Variants in PRRC2A observed in about 807,000 individuals in gnomAD.
PRRC2A encodes the protein proline rich coiled-coil 2A.
In PRRC2A, 59 loss-of-function variants were observed where a neutral mutation model predicts 224.6. That is an observed-to-expected ratio of 0.26 (90% confidence interval 0.21 to 0.33). PRRC2A has a LOEUF of 0.33. Ranked by LOEUF, PRRC2A falls within the 10% of genes least tolerant of loss-of-function variation. The pLI is 1.00. For synonymous variants in PRRC2A, 1,194 were observed against 1,109.5 expected, an observed-to-expected ratio of 1.08 and a Z score of -1.51; for missense variants, 3,095 against 2,880.7, an observed-to-expected ratio of 1.07 and a Z score of -1.70.
intron 9 of PRRC2A, among the ~76,000 whole-genome samples, chr6:31,626,383 C>A (rs868842218): frequency 6.6e-6 from 1 of 151,212 alleles, no homozygotes; most frequent in Non-Finnish European, 1.5e-5. Context: ...CAAGACCCCC[C>A]ACCTCTACAA....
Position 31,632,456 on chromosome 6 carries a change from G to C in PRRC2A, c.3783G>C (p.Lys1261Asn). Reference sequence around the variant, plus strand: ...AACCGCCTCGTTTCCGGAGGCTGAAGCAGGAACGGGAGAATGCCGCAAGGG... The same window carrying C: ...AACCGCCTCGTTTCCGGAGGCTGAACCAGGAACGGGAGAATGCCGCAAGGG... ...QDKPPRFRRLKQERENAARGS... is the reference protein window; with the variant it reads ...QDKPPRFRRLNQERENAARGS... Residue 1261 changes from lysine to asparagine, a missense_variant, in exon 16 of 31, where the codon AAG becomes AAC. Transcript: ENST00000376033. 1 of 1,605,760 alleles carries C rather than the reference G, an allele frequency of 6.2e-7. No individual in the cohort carries two copies.
At position 31,636,839 on chromosome 6, in the gene PRRC2A, C is replaced by T. The variant is rs574651041; in HGVS notation, c.6041C>T (p.Pro2014Leu). The T allele has an allele frequency of 5.6e-5, 91 of 1,612,422 alleles. No homozygotes were observed. The African/African-American group carries it at 8.0e-4, about 14-fold the overall frequency. Reference sequence around the variant, plus strand: ...CCCCTTTCTCTGTTACCTGTGGGCCCTGCTCTGCAGCCCCCCAGCCTGGCT... The same window carrying T: ...CCCCTTTCTCTGTTACCTGTGGGCCTTGCTCTGCAGCCCCCCAGCCTGGCT... ...PPPLSLLPVG[P>L]ALQPPSLAVR... Residue 2014 changes from proline (P) to leucine (L), a missense_variant, in exon 28 of 31, where the codon CCT (proline) becomes CTT (leucine). Around this residue, in one of 8 missense-constraint regions of PRRC2A, gnomAD observed 662 missense variants for 609.5 expected, o/e 1.09. Coordinates refer to ENST00000376033, the MANE Select transcript of PRRC2A (RefSeq NM_004638.4). The surrounding 1 kb of genome is among the most constrained non-coding windows in gnomAD (Gnocchi z 4.3).
At position 31,625,629 on chromosome 6, in the gene PRRC2A, G is replaced by A; in HGVS notation, c.759+18G>A. On this transcript the variant is annotated intron_variant, in intron 7 of 30. Coordinates refer to ENST00000376033, the MANE Select transcript of PRRC2A (RefSeq NM_004638.4). The surrounding 1 kb of genome is among the most constrained non-coding windows in gnomAD (Gnocchi z 4.1). ...CGCCTTTCGTGAGTCTTGGTGTCTTGTCTTGGAACGATTACACTGGAAGCT... is the reference window on the plus strand; with the variant it reads ...CGCCTTTCGTGAGTCTTGGTGTCTTATCTTGGAACGATTACACTGGAAGCT... 1 of 1,598,412 alleles carries A rather than the reference G, an allele frequency of 6.3e-7. No individual in the cohort carries two copies. The highest frequency in any genetic ancestry group is 1.1e-5 in the South Asian group (1 of 88,504).
At chr6:31,634,025 T>G in intron 18 of PRRC2A, 36 bp downstream of exon 18, 1 of 1,590,442 alleles carries the variant, frequency 6.3e-7, no homozygotes, top group Non-Finnish European at 8.5e-7. Flanking sequence ...TTCACTGCAC[T>G]CTTACTCGTG....
chr6:31,631,641 A>G lies in PRRC2A; in HGVS notation c.2968A>G (p.Lys990Glu), dbSNP rs1238715506. The G allele has an allele frequency of 1.3e-6, 2 of 1,517,524 alleles. No individual in the cohort carries two copies. The highest frequency in any genetic ancestry group is 2.8e-5 in the African/African-American group (2 of 71,440). The allele number at this position is 1,517,524 out of a possible 1,614,324, so 94.0% of individuals were successfully genotyped here. ...AGACCCACTCAAGATAACCAAGGGG[A>G]AGCTAGGGGGCCCCAAGGAGACCCC... ...KPDPLKITKG[K>E]LGGPKETPPN... is the part of the protein sequence containing the mutation. Residue 990 changes from lysine to glutamate, a missense_variant, in exon 16 of 31, where the codon AAG becomes GAG. Physicochemically the swap from Lys to Glu is moderately conservative, Grantham distance 56. Transcript: ENST00000376033. The surrounding 1 kb of genome is among the most constrained non-coding windows in gnomAD (Gnocchi z 4.5).
chr6:31,636,075 A>G lies in PRRC2A; in HGVS notation c.5624+26A>G. ...GTAAGACTCGATGCCTGTGGATCAC[A>G]GAAGTACTTGGAGATGTGTTTCGGG... On this transcript the variant is annotated intron_variant, in intron 25 of 30. Coordinates refer to ENST00000376033, the MANE Select transcript of PRRC2A (RefSeq NM_004638.4). The surrounding 1 kb of genome is among the most constrained non-coding windows in gnomAD (Gnocchi z 4.3). The G allele has an allele frequency of 6.3e-7, 1 of 1,592,744 alleles. No homozygotes were observed. The highest frequency in any genetic ancestry group is 8.6e-7 in the Non-Finnish European group (1 of 1,160,792).
At chr6:31,621,048 C>T (rs1034474373) in intron 1 of PRRC2A, among the ~76,000 whole-genome samples, 190 bp downstream of exon 1, 13 of 152,198 alleles carry the variant, frequency 8.5e-5, no homozygotes, top group African/African-American at 3.1e-4. Context: ...CCGGGACCCG[C>T]ACCTCCGGCA....
intron 17 of PRRC2A, 82 bp downstream of exon 17, chr6:31,633,729 C>A: frequency 6.5e-7 from 1 of 1,535,730 alleles, no homozygotes; most frequent in Non-Finnish European, 8.7e-7. Context: ...GAGAACCTGG[C>A]CTAGGGACCC....
chr6:31,636,535 C>T lies in PRRC2A; in HGVS notation c.5861C>T (p.Ser1954Leu), dbSNP rs749303762. 39 of 1,609,270 alleles carry T rather than the reference C, an allele frequency of 2.4e-5. No homozygotes were observed. The highest frequency in any genetic ancestry group is 9.9e-5 in the South Asian group (9 of 90,648). Residue 1954 changes from serine to leucine, a missense_variant, in exon 27 of 31, where the codon TCG (serine) becomes TTG (leucine). Coordinates refer to ENST00000376033, the MANE Select transcript of PRRC2A (RefSeq NM_004638.4). This position sits in a 1 kb window ranked among gnomAD's most constrained non-coding sequence, Gnocchi z 4.3. Reference protein sequence around the residue: ...LQVRQDLPSPSDFYSTPLQPG... With the variant: ...LQVRQDLPSPLDFYSTPLQPG... ...GTACGCCAGGATCTGCCATCCCCTT[C>T]GGATTTTTATTCTACTCCTCTGCAG...
At chr6:31,630,026 G>A (rs1289600690) in intron 14 of PRRC2A, among the ~76,000 whole-genome samples, 181 bp downstream of exon 14, 1 of 152,200 alleles carries the variant, frequency 6.6e-6, no homozygotes, top group African/African-American at 2.4e-5. Context: ...TAAGAAATAA[G>A]CAGTGGTTGG....
Position 31,636,017 on chromosome 6 carries a change from C to A in PRRC2A, c.5592C>A (p.Phe1864Leu), listed in dbSNP as rs777689845. ...AATTACATCCAAACAGTGGAGGCTT[C>A]CGCCCTGGGACACCCTCACTGCACC... is the stretch of plus-strand genomic sequence containing the variant. ...DSQLHPNSGG[F>L]RPGTPSLHPY... The change falls in exon 25 of 31, where the codon TTC becomes TTA. Residue 1864 changes from phenylalanine (F) to leucine (L), a missense_variant. Phe to Leu is a conservative substitution (Grantham distance 22). Coordinates refer to ENST00000376033, the MANE Select transcript of PRRC2A (RefSeq NM_004638.4). This position sits in a 1 kb window ranked among gnomAD's most constrained non-coding sequence, Gnocchi z 4.3. 1.2e-6 allele frequency: 2 copies of A among 1,613,592 alleles called. No individual in the cohort carries two copies. The highest frequency in any genetic ancestry group is 2.2e-5 in the South Asian group (2 of 91,066).
Position 31,625,245 on chromosome 6 carries a change from G to A in PRRC2A, c.538G>A (p.Asp180Asn). Residue 180 changes from aspartate (D) to asparagine (N), a missense_variant, in exon 6 of 31, where the codon GAC becomes AAC. Around this residue, in one of 8 missense-constraint regions of PRRC2A, gnomAD observed 287 missense variants for 275.3 expected, o/e 1.04. Transcript: ENST00000376033. This position sits in a 1 kb window ranked among gnomAD's most constrained non-coding sequence, Gnocchi z 4.1. ...FPTLQAAGDQDKAAKERESAE... is the reference protein window; with the variant it reads ...FPTLQAAGDQNKAAKERESAE... ...GACCCTGCAGGCGGCTGGCGACCAG[G>A]ACAAGGCTGCCAAGGAAAGGGAGTC... 3 of 1,613,190 alleles carry A rather than the reference G, an allele frequency of 1.9e-6. No individual in the cohort carries two copies. Among genetic ancestry groups the A allele is most frequent in the Non-Finnish European group, 2.5e-6 (3 of 1,180,048 alleles).
At position 31,635,234 on chromosome 6, in the gene PRRC2A, C is replaced by G. The variant is rs1352735788; in HGVS notation, c.5263C>G (p.Arg1755Gly). The change falls in exon 22 of 31, where the codon CGA becomes GGA. Residue 1755 changes from arginine (R) to glycine (G), a missense_variant. Around this residue, in one of 8 missense-constraint regions of PRRC2A, gnomAD observed 662 missense variants for 609.5 expected, o/e 1.09. Coordinates refer to ENST00000376033, the MANE Select transcript of PRRC2A (RefSeq NM_004638.4). ...GCCTGGCCCCATTCGGCCATCCCAT[C>G]GACCTGGTCCCCCAGTCCAGTTTGG... ...TEPGPIRPSH[R>G]PGPPVQFGTS... The G allele has an allele frequency of 1.9e-6, 3 of 1,614,110 alleles. No individual in the cohort carries two copies. Among genetic ancestry groups the G allele is most frequent in the African/African-American group, 2.7e-5 (2 of 74,938 alleles).
In PRRC2A at chr6:31,636,373, C is replaced by A. The variant is rs372896710; in HGVS notation, c.5789C>A (p.Ser1930Tyr). Reference sequence around the variant, plus strand: ...TACCCTCCACCTTCCTTCCTCTACTCTCCGGCTTTCTGCCCCAGTCCTTTG... The same window carrying A: ...TACCCTCCACCTTCCTTCCTCTACTATCCGGCTTTCTGCCCCAGTCCTTTG... ...VLYPPPSFLY[S>Y]PAFCPSPLPD... Residue 1930 changes from serine (S) to tyrosine (Y), a missense_variant, in exon 26 of 31, where the codon TCT becomes TAT. Physicochemically the swap from Ser to Tyr is moderately radical, Grantham distance 144. Around this residue, in one of 8 missense-constraint regions of PRRC2A, gnomAD observed 662 missense variants for 609.5 expected, o/e 1.09. Transcript: ENST00000376033. The surrounding 1 kb of genome is among the most constrained non-coding windows in gnomAD (Gnocchi z 4.3). 1.2e-6 allele frequency: 2 copies of A among 1,612,980 alleles called. No individual in the cohort carries two copies. The highest frequency in any genetic ancestry group is 1.7e-6 in the Non-Finnish European group (2 of 1,179,988).
chr6:31,631,888 G>T lies in PRRC2A; in HGVS notation c.3215G>T (p.Gly1072Val). Reference sequence around the variant, plus strand: ...GATGGGCGTGGAGGTGGGACAGGGGGACCAAACCACCCTCCTGCTCCCCGA... The same window carrying T: ...GATGGGCGTGGAGGTGGGACAGGGGTACCAAACCACCCTCCTGCTCCCCGA... ...GDDGRGGGTG[G>V]PNHPPAPRGR... The change falls in exon 16 of 31, where the codon GGA becomes GTA. Residue 1072 changes from glycine to valine, a missense_variant. Gly to Val is a moderately radical substitution (Grantham distance 109). This residue lies in a region of PRRC2A where 2,001 missense variants were observed against 1,764.9 expected (regional missense o/e 1.13). Transcript: ENST00000376033. The surrounding 1 kb of genome is among the most constrained non-coding windows in gnomAD (Gnocchi z 4.5). 1 of 1,611,286 alleles carries T rather than the reference G, an allele frequency of 6.2e-7. No homozygotes were observed. The highest frequency in any genetic ancestry group is 2.2e-5 in the East Asian group (1 of 44,806).
chr6:31,623,988 C>G, intron 3 of PRRC2A, 79 bp downstream of exon 3: 1 of 1,515,222 alleles, frequency 6.6e-7, no homozygotes. Context: ...TGGTTTAGTC[C>G]AGCCACGTCT....
rs535373135 is a variant in PRRC2A at position 31,622,904 on chromosome 6, G to A, written c.112+3G>A. On this transcript the variant is annotated splice_donor_region_variant and intron_variant, in intron 2 of 30. Transcript: ENST00000376033. The stretch of plus-strand genomic sequence containing the variant: ...CTTAGAGATCCAGAAACCCGCTGGT[G>A]AGAGTCCTGCAAAGATGCTTCTGAT... The A allele has an allele frequency of 6.2e-7, 1 of 1,611,120 alleles. No individual in the cohort carries two copies. Among genetic ancestry groups the A allele is most frequent in the South Asian group, 1.1e-5 (1 of 91,028 alleles).
chr6:31,626,346 A>T (rs971302229), intron 9 of PRRC2A, among the ~76,000 whole-genome samples, 184 bp downstream of exon 9: 19 of 151,938 alleles, frequency 1.3e-4, no homozygotes, highest in Admixed American at 1.2e-3. Flanking sequence ...TGAAGCCAGG[A>T]GTTCAAGACC....
intron 19 of PRRC2A, 41 bp downstream of exon 19, chr6:31,634,406 A>G: frequency 6.2e-7 from 1 of 1,612,148 alleles, no homozygotes; most frequent in Non-Finnish European, 8.5e-7. Flanking sequence ...AGAAGGGTTA[A>G]GAATGAGAGG....
Sources: gnomAD v4.1 joint callset for allele counts (sites outside exome capture counted in the v4.1 genomes callset) on GRCh38, gnomAD v4.1.1 for gene constraint, gnomAD v4.1.1 regional missense constraint, Gnocchi (gnomAD v3.1) non-coding constraint, MANE v1.5 for transcripts, NCBI Gene and HGNC (gene_info 2026-07-23, HGNC 2026-07-21) for gene names.